MGAT4C: variants seen among roughly 807,000 people sequenced by gnomAD.
MGAT4C encodes the protein MGAT4 family member C, also known as alpha-1,3-mannosyl-glycoprotein 4-beta-N-acetylglucosaminyltransferase C.
A neutral mutation model predicts 40.1 loss-of-function variants in MGAT4C; 19 were observed. That is an observed-to-expected ratio of 0.47 (90% confidence interval 0.33 to 0.70). The LOEUF is 0.70. MGAT4C is among the 30% of genes least tolerant of loss of function. The pLI is 0.02. For synonymous variants in MGAT4C, 181 were observed against 187.1 expected (o/e 0.97, Z 0.27); for missense variants, 491 against 563.2 (o/e 0.87, Z 1.30).
At chr12:86,633,867 C>T (rs562863191) in intron 2 of MGAT4C, among the ~76,000 whole-genome samples, 1 of 152,008 alleles carries the variant, frequency 6.6e-6, no homozygotes, top group East Asian at 1.9e-4. Context: ...AAGTTGCCTC[C>T]TCCATACTTG....
intron 1 of MGAT4C, among the ~76,000 whole-genome samples, chr12:86,148,684 CA>C (rs1301313450): frequency 1.3e-5 from 2 of 152,150 alleles, no homozygotes; most frequent in African/African-American, 4.8e-5. Context: ...CTAAAGTAGA[CA>C]GCACTAAAGA....
chr12:86,594,259 G>C (rs1233409444), intron 2 of MGAT4C, among the ~76,000 whole-genome samples: 1 of 152,140 alleles, frequency 6.6e-6, no homozygotes, highest in South Asian at 2.1e-4. Context: ...TTGAGGGAAA[G>C]GGAACTCCAT....
At chr12:86,785,934 A>C (rs191168197) in intron 1 of MGAT4C, among the ~76,000 whole-genome samples, 1 of 152,176 alleles carries the variant, frequency 6.6e-6, no homozygotes, top group Admixed American at 6.5e-5. Flanking sequence ...ATGCAACTTA[A>C]ATTTCCATTT....
intron 2 of MGAT4C, among the ~76,000 whole-genome samples, chr12:86,559,643 T>C (rs1413392989): frequency 6.6e-6 from 1 of 151,864 alleles, no homozygotes; most frequent in Non-Finnish European, 1.5e-5. Context: ...CTATGGCATA[T>C]AGCAAAAGCA....
At chr12:86,090,954 C>T (rs1034009712) in intron 1 of MGAT4C, among the ~76,000 whole-genome samples, 1 of 151,754 alleles carries the variant, frequency 6.6e-6, no homozygotes, top group African/African-American at 2.4e-5. Context: ...AAACAAAACT[C>T]AATTTATTTA....
chr12:86,316,373 T>G (rs1008068718), intron 4 of MGAT4C, among the ~76,000 whole-genome samples: 8 of 152,072 alleles, frequency 5.3e-5, no homozygotes, highest in African/African-American at 1.9e-4. Context: ...TGGCTATATA[T>G]CCAAAAGAAA....
At chr12:86,060,201 A>C (rs550891492) in intron 1 of MGAT4C, among the ~76,000 whole-genome samples, 1 of 152,300 alleles carries the variant, frequency 6.6e-6, no homozygotes. Context: ...CCCTAGGTAG[A>C]CTGACCTCTT....
At chr12:86,834,120 ATCTATC>A (rs1248515898) in intron 1 of MGAT4C, among the ~76,000 whole-genome samples, 1 of 151,648 alleles carries the variant, frequency 6.6e-6, no homozygotes, top group Non-Finnish European at 1.5e-5. Context: ...ATTTAAATAT[ATCTATC>A]TCTATCTGTC....
intron 2 of MGAT4C, among the ~76,000 whole-genome samples, chr12:86,033,395 G>T (rs1380748560): frequency 6.7e-6 from 1 of 149,556 alleles, no homozygotes; most frequent in African/African-American, 2.4e-5. Flanking sequence ...AATGAGCATG[G>T]AATGTTTTTC....
intron 2 of MGAT4C, among the ~76,000 whole-genome samples, chr12:85,999,698 A>C (rs2136766878): frequency 6.6e-6 from 1 of 152,248 alleles, no homozygotes; most frequent in Admixed American, 6.5e-5. Flanking sequence ...GCCATAAAAT[A>C]GAATGAAATC....
At chr12:86,792,626 T>C (rs1952043894) in intron 1 of MGAT4C, among the ~76,000 whole-genome samples, 1 of 152,132 alleles carries the variant, frequency 6.6e-6, no homozygotes, top group African/African-American at 2.4e-5. Flanking sequence ...TAGTGCAAGC[T>C]TGTGCATTTT....
intron 2 of MGAT4C, among the ~76,000 whole-genome samples, chr12:86,474,474 A>AC (rs1957803412): frequency 6.6e-6 from 1 of 151,936 alleles, no homozygotes; most frequent in African/African-American, 2.4e-5. Context: ...TACATATGTA[A>AC]CAAACCTGCA....
chr12:85,998,790 C>T (rs895929486), intron 2 of MGAT4C, among the ~76,000 whole-genome samples: 5 of 152,124 alleles, frequency 3.3e-5, no homozygotes, highest in African/African-American at 1.2e-4. Flanking sequence ...CTAGGAAGTT[C>T]CAAAATTTTC....
intron 1 of MGAT4C, among the ~76,000 whole-genome samples, chr12:86,732,942 CCCCAG>C (rs1265297187): frequency 6.6e-6 from 1 of 151,928 alleles, no homozygotes; most frequent in Non-Finnish European, 1.5e-5. Context: ...GGTCCTTTTC[CCCCAG>C]CCCAGCCAGC....
chr12:86,141,042 G>C lies in MGAT4C; in HGVS notation c.-56-91319C>G, dbSNP rs1321256606. 2.0e-5 allele frequency among the ~76,000 whole-genome samples: 3 copies of C among 152,140 alleles called. No individual in the cohort carries two copies. The East Asian group carries it at 5.8e-4, about 29-fold the overall frequency. On this transcript the variant is annotated intron_variant, in intron 1 of 4. Coordinates refer to ENST00000611864, the MANE Select transcript of MGAT4C (RefSeq NM_001351288.2). Reference sequence around the variant, plus strand: ...GTGAAATGTGCTCATTCTTTTAGGTGTGCCTTATTTCCTTCCACTGGCACC... The same window carrying C: ...GTGAAATGTGCTCATTCTTTTAGGTCTGCCTTATTTCCTTCCACTGGCACC...
intron 1 of MGAT4C, among the ~76,000 whole-genome samples, chr12:86,131,992 A>G (rs1275934267): frequency 6.6e-6 from 1 of 152,158 alleles, no homozygotes; most frequent in South Asian, 2.1e-4. Flanking sequence ...TATAAATGAC[A>G]CAAGTGATTA....
At chr12:86,146,965 G>A (rs988723472) in intron 1 of MGAT4C, among the ~76,000 whole-genome samples, 4 of 152,076 alleles carry the variant, frequency 2.6e-5, no homozygotes, top group African/African-American at 9.6e-5. Flanking sequence ...TATTTCTACT[G>A]CACAACACTC....
chr12:86,764,590 G>T (rs1236242983), intron 1 of MGAT4C, among the ~76,000 whole-genome samples: 1 of 59,628 alleles, frequency 1.7e-5, no homozygotes, highest in Non-Finnish European at 4.1e-5. Context: ...CCTGACCCCT[G>T]AGCAGCCTAA....
At chr12:86,322,484 T>C (rs978547896) in intron 4 of MGAT4C, among the ~76,000 whole-genome samples, 2 of 152,150 alleles carry the variant, frequency 1.3e-5, no homozygotes, top group African/African-American at 2.4e-5. Flanking sequence ...AGATTATAAG[T>C]TTCTTTCTTT....
Sources: gnomAD v4.1 joint callset for allele counts (sites outside exome capture counted in the v4.1 genomes callset) on GRCh38, gnomAD v4.1.1 for gene constraint, MANE v1.5 for transcripts, NCBI Gene and HGNC (gene_info 2026-07-23, HGNC 2026-07-21) for gene names.